DPP3: variants seen among roughly 807,000 people sequenced by gnomAD.
DPP3 encodes the protein DPP III.
In DPP3, 64 loss-of-function variants were observed where a neutral mutation model predicts 89.8. The ratio of observed to expected loss-of-function variants is 0.71; its 90% CI spans 0.58 to 0.88. DPP3 has a LOEUF of 0.88. Ranked by LOEUF, DPP3 falls within the 40% of genes least tolerant of loss-of-function variation. DPP3 has a pLI of 0.00. For synonymous variants in DPP3, 377 were observed against 404.3 expected, an observed-to-expected ratio of 0.93 and a Z score of 0.81; for missense variants, 835 against 972.5, an observed-to-expected ratio of 0.86 and a Z score of 1.88.
At chr11:66,506,389 G>T (rs1855802491) in intron 17 of DPP3, among the ~76,000 whole-genome samples, 1 of 151,512 alleles carries the variant, frequency 6.6e-6, no homozygotes. Context: ...TGAGTAGCTG[G>T]GATTACAGGC....
At position 66,480,520 on chromosome 11, in the gene DPP3, A is replaced by G. The variant is rs557766280; in HGVS notation, c.-9+55A>G. ...CAAAGCGTGTCATCCCGGGGGACCA[A>G]GGCGAATCCATACTGAGCGCAAAAT... On this transcript the variant is annotated intron_variant, in intron 1 of 17. Transcript: ENST00000531863. The G allele has an allele frequency of 5.5e-6, 8 of 1,467,126 alleles. No individual in the cohort carries two copies. In the East Asian group the frequency reaches 2.3e-4, roughly 43 times the overall value. 90.9% of individuals were successfully genotyped at this position (1,467,126 alleles called of 1,614,324 possible).
intron 15 of DPP3, 149 bp from the exon 16 acceptor site, chr11:66,497,149 G>A (rs1445642919): frequency 1.0e-6 from 1 of 967,108 alleles, no homozygotes; most frequent in Non-Finnish European, 1.5e-6. Flanking sequence ...AGGACCCGCA[G>A]GGTTGGGGAG....
chr11:66,491,220 C>G (rs900677666), intron 6 of DPP3, 33 bp from the exon 7 acceptor site: 10 of 1,611,522 alleles, frequency 6.2e-6, no homozygotes, highest in African/African-American at 1.3e-5. Flanking sequence ...CTTACTCCAG[C>G]CTTTTCTCTT....
chr11:66,495,187 C>T lies in DPP3; in HGVS notation c.1390-19C>T. On this transcript the variant is annotated intron_variant, in intron 12 of 17. Transcript: ENST00000531863. ...TCCAGTTGGGGGCGCCTTTCCCTCA[C>T]CCACCGTGTGTTCTGCAGGACGAAA... 2 of 1,612,200 alleles carry T rather than the reference C, an allele frequency of 1.2e-6. No individual in the cohort carries two copies. The highest frequency in any genetic ancestry group is 1.7e-6 in the Non-Finnish European group (2 of 1,180,008).
intron 3 of DPP3, 82 bp from the exon 4 acceptor site, chr11:66,486,458 A>T: frequency 7.2e-7 from 1 of 1,388,712 alleles, no homozygotes; most frequent in Non-Finnish European, 9.4e-7. Flanking sequence ...ATCATAGGAG[A>T]AGAGCTTGGG....
At chr11:66,487,472 T>A in intron 5 of DPP3, 130 bp downstream of exon 5, 1 of 931,568 alleles carries the variant, frequency 1.1e-6, no homozygotes, top group Non-Finnish European at 1.7e-6. Flanking sequence ...GCGCGACCCC[T>A]GCCCACCCCA....
Position 66,482,452 on chromosome 11 carries a change from T to C in DPP3, c.252T>C (p.Leu84=). The change falls in exon 2 of 18, where the codon CTT becomes CTC. Residue 84 remains leucine (L), a synonymous_variant. Coordinates refer to ENST00000531863, the MANE Select transcript of DPP3 (RefSeq NM_130443.4). ...GCCAACATGCCCTGGCTGAAGGCCT[T>C]ACCGAGGAGGAGTATCAGGTCAGTT... ...QLRQHALAEG[L]TEEEYQAFLV... 1 of 1,606,252 alleles carries C rather than the reference T, an allele frequency of 6.2e-7. No individual in the cohort carries two copies. Among genetic ancestry groups the C allele is most frequent in the Non-Finnish European group, 8.5e-7 (1 of 1,179,922 alleles).
chr11:66,495,567 G>T, intron 14 of DPP3, 63 bp from the exon 15 acceptor site: 1 of 1,613,250 alleles, frequency 6.2e-7, no homozygotes, highest in East Asian at 2.2e-5. Context: ...GGGTGGTAGT[G>T]GCCAGTGGGA....
At position 66,503,958 on chromosome 11, in the gene DPP3, G is replaced by A. The variant is rs187200500; in HGVS notation, c.1879-654G>A. 7.9e-5 allele frequency among the ~76,000 whole-genome samples: 12 copies of A among 152,118 alleles called. No homozygotes were observed. The East Asian group carries it at 2.3e-3, about 29-fold the overall frequency. On this transcript the variant is annotated intron_variant, in intron 16 of 17. Coordinates refer to ENST00000531863, the MANE Select transcript of DPP3 (RefSeq NM_130443.4). ...GGAGTCCAAGATCAAGGTACCAGCT[G>A]GTTCATTTTCTGGTGAAGGCTGCTC...
chr11:66,497,643 C>T (rs1241781513), intron 16 of DPP3, among the ~76,000 whole-genome samples, 166 bp downstream of exon 16: 1 of 152,206 alleles, frequency 6.6e-6, no homozygotes, highest in African/African-American at 2.4e-5. Context: ...GTGATCCCAG[C>T]ACTGTGGGAG....
At position 66,491,587 on chromosome 11, in the gene DPP3, C is replaced by T. The variant is rs200561011; in HGVS notation, c.892C>T (p.Arg298Cys). ...GSIEAHKRGS[R>C]FWIQDKGPIV... ...CATCGAGGCCCACAAGAGGGGCTCC[C>T]GCTTCTGGATCCAGGACAAAGGCCC... Residue 298 changes from arginine to cysteine, a missense_variant, in exon 8 of 18, where the codon CGC becomes TGC. By Grantham distance (180) the Arg-to-Cys change is radical (BLOSUM62 -3). Coordinates refer to ENST00000531863, the MANE Select transcript of DPP3 (RefSeq NM_130443.4). 8 of 1,613,778 alleles carry T rather than the reference C, an allele frequency of 5.0e-6. No homozygotes were observed. Among genetic ancestry groups the T allele is most frequent in the South Asian group, 3.3e-5 (3 of 91,066 alleles).
intron 6 of DPP3, among the ~76,000 whole-genome samples, chr11:66,489,581 C>T (rs1279179224): frequency 1.3e-5 from 2 of 152,168 alleles, no homozygotes; most frequent in Non-Finnish European, 2.9e-5. Context: ...CCGGACTGCC[C>T]GAGTGGGTCA....
intron 3 of DPP3, among the ~76,000 whole-genome samples, chr11:66,485,643 C>G (rs1392669795): frequency 6.6e-6 from 1 of 152,204 alleles, no homozygotes; most frequent in African/African-American, 2.4e-5. Flanking sequence ...AGAGGTGGTT[C>G]TTATAGCAGG....
chr11:66,489,705 C>T (rs1481385490), intron 6 of DPP3, among the ~76,000 whole-genome samples: 1 of 152,196 alleles, frequency 6.6e-6, no homozygotes. Context: ...AACAGCCGGT[C>T]GCTGGGTGAC....
At chr11:66,494,494 C>T (rs1855481024) in intron 12 of DPP3, among the ~76,000 whole-genome samples, 2 of 152,214 alleles carry the variant, frequency 1.3e-5, no homozygotes, top group Non-Finnish European at 2.9e-5. Context: ...GCACCTTCAC[C>T]GAGCCTCAGT....
chr11:66,509,146 T>A lies in DPP3; in HGVS notation c.2109T>A (p.Arg703=). The A allele has an allele frequency of 6.2e-7, 1 of 1,614,178 alleles. No individual in the cohort carries two copies. The highest frequency in any genetic ancestry group is 8.5e-7 in the Non-Finnish European group (1 of 1,180,040). The change falls in exon 18 of 18, where the codon CGT becomes CGA. Residue 703 remains arginine, a synonymous_variant. Coordinates refer to ENST00000531863, the MANE Select transcript of DPP3 (RefSeq NM_130443.4). The part of the protein sequence containing the change: ...AAGLIRSFSE[R]FPEDGPELEE... The stretch of plus-strand genomic sequence containing the variant: ...GCCTCATCCGATCCTTCTCTGAGCG[T>A]TTCCCAGAGGATGGACCCGAGTTGG...
In DPP3 at chr11:66,482,179, GTGA is replaced by G; in HGVS notation, c.-8-11_-8-9del. The G allele has an allele frequency of 6.2e-7, 1 of 1,612,808 alleles. No homozygotes were observed. Among genetic ancestry groups the G allele is most frequent in the South Asian group, 1.1e-5 (1 of 90,974 alleles). ...GGGGTAAACAACAGCTGTGATGACAGTGATGGTTCTCAGCAGGGCCCATGGCGG... is the reference window on the plus strand; with the variant it reads ...GGGGTAAACAACAGCTGTGATGACAGTGGTTCTCAGCAGGGCCCATGGCGG... On this transcript the variant is annotated splice_polypyrimidine_tract_variant and intron_variant, in intron 1 of 17. Coordinates refer to ENST00000531863, the MANE Select transcript of DPP3 (RefSeq NM_130443.4).
Position 66,485,160 on chromosome 11 carries a change from G to C in DPP3, c.271-13G>C. 1 of 1,613,880 alleles carries C rather than the reference G, an allele frequency of 6.2e-7. No homozygotes were observed. ...TGTGCTTCCTGGGTCTCTGATGCCT[G>C]CCTCCCCCTCAGGCGTTCCTGGTCT... is the stretch of plus-strand genomic sequence containing the variant. On this transcript the variant is annotated splice_polypyrimidine_tract_variant and intron_variant, in intron 2 of 17. Coordinates refer to ENST00000531863, the MANE Select transcript of DPP3 (RefSeq NM_130443.4).
At chr11:66,492,687 C>T (rs752863559) in intron 9 of DPP3, 29 bp from the exon 10 acceptor site, 1 of 1,530,614 alleles carries the variant, frequency 6.5e-7, no homozygotes, top group African/African-American at 1.4e-5. Context: ...GGAACCCTGC[C>T]AAGCCACAAC....
Sources: gnomAD v4.1 joint callset for allele counts (sites outside exome capture counted in the v4.1 genomes callset) on GRCh38, gnomAD v4.1.1 for gene constraint, MANE v1.5 for transcripts, NCBI Gene and HGNC (gene_info 2026-07-23, HGNC 2026-07-21) for gene names.